Variants in GNG2 observed in about 807,000 individuals in gnomAD.
GNG2 encodes the protein G protein subunit gamma 2.
Under a neutral mutation model 5.5 loss-of-function variants are expected in GNG2, and 5 were observed. The observed-to-expected ratio is 0.91, with a 90% CI of 0.48 to 1.92. The LOEUF (loss-of-function observed/expected upper bound fraction) is 1.92. Among genes scored for constraint, GNG2 ranks in the 30% most tolerant of loss-of-function variants. The probability of loss-of-function intolerance (pLI) is 0.01; values close to 1 mark genes in which losing one functional copy is unlikely to be tolerated. For missense variants in GNG2, 55 were observed against 88.4 expected, an observed-to-expected ratio of 0.62 and a Z score of 1.52; for synonymous variants, 28 against 32.0, an observed-to-expected ratio of 0.88 and a Z score of 0.42.
At chr14:51,920,189 G>A (rs1171475138) in intron 2 of GNG2, among the ~76,000 whole-genome samples, 7 of 152,098 alleles carry the variant, frequency 4.6e-5, no homozygotes, top group East Asian at 1.9e-4. Flanking sequence ...TGGAACTAAC[G>A]CAGGACTGAC....
At chr14:51,882,646 T>A (rs945103437) in intron 2 of GNG2, among the ~76,000 whole-genome samples, 59 of 152,228 alleles carry the variant, frequency 3.9e-4, no homozygotes, top group African/African-American at 1.4e-3. Context: ...TTTAAAAATT[T>A]AAAATACTGG....
rs145791601 is a variant in GNG2, at chr14:51,916,714, T to C, written c.-29-33936T>C. Among the ~76,000 whole-genome samples, 443 of 152,214 alleles carry C rather than the reference T, an allele frequency of 2.9e-3. 5 individuals carry two copies. The highest frequency in any genetic ancestry group is 0.01 in the African/African-American group (421 of 41,520). On this transcript the variant is annotated intron_variant, in intron 2 of 3. Coordinates refer to ENST00000556766, the MANE Select transcript of GNG2 (RefSeq NM_053064.5). ...GACCATACCCAGGTTGGTGTAGGTA[T>C]CCAGGGGTGCAGTGTGATGGACAGG...
chr14:51,909,992 TCATGGATTC>T (rs1886197562), intron 2 of GNG2, among the ~76,000 whole-genome samples: 1 of 152,200 alleles, frequency 6.6e-6, no homozygotes, highest in Non-Finnish European at 1.5e-5. Context: ...ATCCATTCAT[TCATGGATTC>T]ATTCAACAAT....
chr14:51,899,748 G>A lies in GNG2; in HGVS notation c.-30+22091G>A, dbSNP rs371011543. Among the ~76,000 whole-genome samples the A allele has an allele frequency of 2.0e-4, 30 of 152,276 alleles. No homozygotes were observed. In the East Asian group the frequency reaches 3.5e-3, roughly 18 times the overall value. On this transcript the variant is annotated intron_variant, in intron 2 of 3. Transcript: ENST00000556766. ...TGAATTTGACTACATACATATAAGT[G>A]GAATCACACAGTATTTGTATTTTTA...
intron 1 of GNG2, among the ~76,000 whole-genome samples, chr14:51,869,813 G>A (rs12878101): frequency 0.11 from 16,934 of 152,112 alleles, 1,766 homozygotes; most frequent in African/African-American, 0.28. Flanking sequence ...TTGCCCTGCC[G>A]CGGCTCTTTT....
intron 2 of GNG2, among the ~76,000 whole-genome samples, chr14:51,926,644 G>A (rs914304506): frequency 1.3e-5 from 2 of 152,146 alleles, no homozygotes; most frequent in African/African-American, 4.8e-5. Context: ...TCAGGAAGTT[G>A]GCGCCATTTT....
At chr14:51,854,154 G>T (rs542263718) in intron 2 of GNG2, among the ~76,000 whole-genome samples, 2 of 152,250 alleles carry the variant, frequency 1.3e-5, no homozygotes, top group African/African-American at 4.8e-5. Context: ...GATTACAGAC[G>T]TGAGCCACCA....
chr14:51,926,990 G>A (rs1387921466), intron 2 of GNG2, among the ~76,000 whole-genome samples: 6 of 152,122 alleles, frequency 3.9e-5, no homozygotes, highest in Admixed American at 6.5e-5. Context: ...AGTTTTGTCT[G>A]GGATCAAATT....
chr14:51,962,361 T>C (rs1889666189), intron 3 of GNG2, among the ~76,000 whole-genome samples: 2 of 152,166 alleles, frequency 1.3e-5, no homozygotes, highest in South Asian at 2.1e-4. Context: ...TATAATGTGA[T>C]TGAAAGTATC....
intron 3 of GNG2, among the ~76,000 whole-genome samples, chr14:51,951,440 A>G (rs896563605): frequency 6.6e-6 from 1 of 152,190 alleles, no homozygotes; most frequent in Non-Finnish European, 1.5e-5. Flanking sequence ...ACCTTGGCCA[A>G]TATGCTGTCG....
At chr14:51,872,117 G>T (rs148896381) in intron 1 of GNG2, among the ~76,000 whole-genome samples, 1 of 152,198 alleles carries the variant, frequency 6.6e-6, no homozygotes, top group Non-Finnish European at 1.5e-5. Context: ...CTGCTAAACC[G>T]CAGTGGACAT....
rs1387222144 is a variant in GNG2, at chr14:51,967,493, TTTG to T, written c.*812_*814del. Reference sequence around the variant, plus strand: ...CCCTATGTTACATCCATTCAGAAGTTTTGTTGTTTTACTCTAAAGCTGGGAAAG... The same window carrying T: ...CCCTATGTTACATCCATTCAGAAGTTTTGTTTTACTCTAAAGCTGGGAAAG... On this transcript the variant is annotated 3_prime_UTR_variant, in exon 4 of 4. Transcript: ENST00000556766. 6.6e-6 allele frequency: 1 copy of T among 152,040 alleles called. No homozygotes were observed. Among genetic ancestry groups the T allele is most frequent in the Non-Finnish European group, 1.5e-5 (1 of 68,002 alleles). The allele number at this position is 152,040 out of a possible 1,614,324, so 9.4% of individuals were successfully genotyped here. A position where few individuals can be genotyped will look rare whatever the true frequency, so the allele number is the denominator to read the frequency against.
intron 1 of GNG2, among the ~76,000 whole-genome samples, chr14:51,872,759 T>C (rs1315655510): frequency 6.6e-6 from 1 of 152,224 alleles, no homozygotes; most frequent in Non-Finnish European, 1.5e-5. Flanking sequence ...ATTTATTGAA[T>C]AGATGAGTGG....
At chr14:51,905,540 C>G (rs149104217) in intron 2 of GNG2, among the ~76,000 whole-genome samples, 1 of 152,302 alleles carries the variant, frequency 6.6e-6, no homozygotes, top group East Asian at 1.9e-4. Context: ...CACCTTAGAT[C>G]CACCTTAGTT....
rs180879446 is a variant in GNG2, at chr14:51,959,498, C to T, written c.88-7061C>T. 2.1e-3 allele frequency among the ~76,000 whole-genome samples: 322 copies of T among 152,200 alleles called. 2 individuals are homozygous for T. Among genetic ancestry groups the T allele is most frequent in the Non-Finnish European group, 2.9e-3 (200 of 67,986 alleles). ...ATCCTGGTGATTCTACATTCAAATG[C>T]TATTTATCCAGAATTAGACTACTTT... On this transcript the variant is annotated intron_variant, in intron 3 of 3. Transcript: ENST00000556766.
intron 2 of GNG2, among the ~76,000 whole-genome samples, chr14:51,837,105 C>G (rs193178814): frequency 0.025 from 3,741 of 151,908 alleles, 145 homozygotes; most frequent in African/African-American, 0.086. Context: ...GTGATCCACC[C>G]GCCTTGGCCT....
At chr14:51,876,546 G>C (rs778311788) in intron 1 of GNG2, among the ~76,000 whole-genome samples, 14 of 151,986 alleles carry the variant, frequency 9.2e-5, no homozygotes, top group Non-Finnish European at 1.8e-4. Flanking sequence ...TATTTTGCCT[G>C]TCCCACCTAG....
chr14:51,943,261 G>T (rs1453731925), intron 2 of GNG2, among the ~76,000 whole-genome samples: 2 of 152,140 alleles, frequency 1.3e-5, no homozygotes, highest in African/African-American at 4.8e-5. Flanking sequence ...TTTTGTTGTT[G>T]TTGTCATTTG....
At chr14:51,899,816 C>G (rs1433204375) in intron 2 of GNG2, among the ~76,000 whole-genome samples, 1 of 152,192 alleles carries the variant, frequency 6.6e-6, no homozygotes, top group African/African-American at 2.4e-5. Context: ...TAAAGTTCAT[C>G]CACATGGTAG....
Sources: gnomAD v4.1 joint callset for allele counts (sites outside exome capture counted in the v4.1 genomes callset) on GRCh38, gnomAD v4.1.1 for gene constraint, MANE v1.5 for transcripts, NCBI Gene and HGNC (gene_info 2026-07-23, HGNC 2026-07-21) for gene names.